Variants in CMSS1 observed in about 807,000 individuals in gnomAD.
CMSS1 encodes the protein protein CMSS1.
In CMSS1, 33 loss-of-function variants were observed where a neutral mutation model predicts 43.5. That is an observed-to-expected ratio of 0.76 (90% confidence interval 0.57 to 1.01). The LOEUF (loss-of-function observed/expected upper bound fraction) is 1.01, where lower values mean the gene tolerates loss of function less well. CMSS1 is among the 50% of genes least tolerant of loss of function. CMSS1 has a pLI of 0.00. For missense variants in CMSS1, 313 were observed against 326.4 expected (o/e 0.96, Z 0.32); for synonymous variants, 115 against 117.2 (o/e 0.98, Z 0.12).
intron 1 of CMSS1, among the ~76,000 whole-genome samples, chr3:100,027,060 C>A (rs1204128206): frequency 1.3e-5 from 2 of 152,120 alleles, no homozygotes; most frequent in African/African-American, 4.8e-5. Flanking sequence ...CCCATTCATC[C>A]CCTGCATCCC....
intron 1 of CMSS1, among the ~76,000 whole-genome samples, chr3:99,861,761 G>T (rs540128583): frequency 5.9e-5 from 9 of 152,318 alleles, no homozygotes; most frequent in Non-Finnish European, 1.2e-4. Flanking sequence ...ATAGGAACGA[G>T]ACAGTGGAAA....
rs146361868 is a variant in CMSS1 at position 100,144,593 on chromosome 3, A to C, written c.65-2380A>C. On this transcript the variant is annotated intron_variant, in intron 1 of 9. Transcript: ENST00000421999. ...ATGGGGTGCCTCATTACACCCTGTC[A>C]AGGGTGGAAGTCTAGGCTCCCCATT... Among the ~76,000 whole-genome samples the C allele has an allele frequency of 4.9e-3, 742 of 152,264 alleles. 2 individuals carry two copies. Among genetic ancestry groups the C allele is most frequent in the Non-Finnish European group, 6.7e-3 (458 of 68,002 alleles).
chr3:100,050,662 C>T (rs2065355876), intron 1 of CMSS1, among the ~76,000 whole-genome samples: 1 of 152,168 alleles, frequency 6.6e-6, no homozygotes, highest in South Asian at 2.1e-4. Flanking sequence ...CTCCAAGTAG[C>T]TGGGATTACA....
chr3:99,871,957 G>C (rs1228776047), intron 1 of CMSS1, among the ~76,000 whole-genome samples: 4 of 151,424 alleles, frequency 2.6e-5, no homozygotes, highest in Non-Finnish European at 5.9e-5. Context: ...CTTTTTTATT[G>C]CTTATACTTA....
Position 99,848,018 on chromosome 3 carries a change from AATAC to A in CMSS1, c.64+29979_64+29982del. On this transcript the variant is annotated intron_variant, in intron 1 of 9. Coordinates refer to ENST00000421999, the MANE Select transcript of CMSS1 (RefSeq NM_032359.4). ...AATTAAAGTGAGTTATGGAAAATGAAATACATAAAGATGTATTTATACAAGTGCA... is the reference window on the plus strand; with the variant it reads ...AATTAAAGTGAGTTATGGAAAATGAAATAAAGATGTATTTATACAAGTGCA... 6 of 1,138,300 alleles carry A rather than the reference AATAC, an allele frequency of 5.3e-6. No individual in the cohort carries two copies. The South Asian group carries it at 2.3e-4, about 44-fold the overall frequency. 70.5% of individuals were successfully genotyped at this position (1,138,300 alleles called of 1,614,324 possible).
At chr3:99,954,152 T>C (rs1264580536) in intron 1 of CMSS1, among the ~76,000 whole-genome samples, 2 of 152,218 alleles carry the variant, frequency 1.3e-5, no homozygotes, top group African/African-American at 2.4e-5. Flanking sequence ...GGTACAAATA[T>C]TGGTCTTCAT....
At chr3:100,164,342 C>T (rs1056337859) in intron 4 of CMSS1, among the ~76,000 whole-genome samples, 13 of 152,310 alleles carry the variant, frequency 8.5e-5, no homozygotes, top group Non-Finnish European at 1.6e-4. Context: ...AGTGGGACCA[C>T]TGCTGTTCTG....
intron 1 of CMSS1, among the ~76,000 whole-genome samples, chr3:99,860,414 G>A (rs1422802578): frequency 1.3e-5 from 2 of 152,140 alleles, no homozygotes; most frequent in African/African-American, 4.8e-5. Flanking sequence ...CTAAAAAGCG[G>A]TACTGAAATC....
At position 100,020,675 on chromosome 3, in the gene CMSS1, G is replaced by A. The variant is rs370403075; in HGVS notation, c.65-126298G>A. On this transcript the variant is annotated intron_variant, in intron 1 of 9. Transcript: ENST00000421999. The stretch of plus-strand genomic sequence containing the variant: ...TTCTTAAAAAGTGTTTATTTTTAGT[G>A]ATTTCATTTAAAAATTGCAAAGCGA... 3.8e-4 allele frequency among the ~76,000 whole-genome samples: 56 copies of A among 148,992 alleles called. No individual in the cohort carries two copies. The East Asian group carries it at 5.0e-3, about 13-fold the overall frequency.
intron 1 of CMSS1, among the ~76,000 whole-genome samples, chr3:99,966,775 A>G (rs529969308): frequency 2.6e-5 from 4 of 152,344 alleles, no homozygotes; most frequent in African/African-American, 9.6e-5. Flanking sequence ...GTAAAGTTAT[A>G]TGGGCCACGT....
rs924650538 is a variant in CMSS1, at chr3:99,869,043, T to C, written c.64+51000T>C. 3.9e-5 allele frequency among the ~76,000 whole-genome samples: 6 copies of C among 152,212 alleles called. No individual in the cohort carries two copies. In the South Asian group the frequency reaches 1.2e-3, roughly 32 times the overall value. On this transcript the variant is annotated intron_variant, in intron 1 of 9. Transcript: ENST00000421999. ...TAGAGAGGTAAAAAGAACCACTTCC[T>C]AGGGGAGTATAACCATCCCTTAGGC...
intron 1 of CMSS1, among the ~76,000 whole-genome samples, chr3:99,994,854 A>T (rs889808760): frequency 6.6e-6 from 1 of 152,184 alleles, no homozygotes; most frequent in Non-Finnish European, 1.5e-5. Flanking sequence ...TACCACGAGA[A>T]CAGTATGGGA....
chr3:100,039,529 A>G (rs1017881722), intron 1 of CMSS1, among the ~76,000 whole-genome samples: 3 of 152,164 alleles, frequency 2.0e-5, no homozygotes, highest in African/African-American at 4.8e-5. Flanking sequence ...TCAGTCTTAT[A>G]ATATGCGGGA....
At chr3:99,996,016 A>AT (rs1709668620) in intron 1 of CMSS1, among the ~76,000 whole-genome samples, 1 of 152,138 alleles carries the variant, frequency 6.6e-6, no homozygotes, top group Non-Finnish European at 1.5e-5. Context: ...ACTTATGTAA[A>AT]TTTCTGCAGC....
chr3:100,153,411 G>A (rs1180235407), intron 2 of CMSS1, among the ~76,000 whole-genome samples: 1 of 152,188 alleles, frequency 6.6e-6, no homozygotes, highest in Non-Finnish European at 1.5e-5. Flanking sequence ...CATTAAGTCT[G>A]CTAGGGCTGC....
At chr3:99,956,896 A>G (rs1708336059) in intron 1 of CMSS1, among the ~76,000 whole-genome samples, 1 of 152,118 alleles carries the variant, frequency 6.6e-6, no homozygotes, top group Non-Finnish European at 1.5e-5. Flanking sequence ...CCCGACTTAC[A>G]GTCCAGCTTC....
chr3:100,115,581 C>A (rs867766803), intron 1 of CMSS1, among the ~76,000 whole-genome samples: 1 of 25,732 alleles, frequency 3.9e-5, no homozygotes, highest in Non-Finnish European at 7.8e-5. Context: ...CTCTGTCTCT[C>A]TCTCTCTCTC....
At position 100,034,568 on chromosome 3, in the gene CMSS1, A is replaced by C. The variant is rs1390674979; in HGVS notation, c.65-112405A>C. ...TATTTGGGGCCTCAAATCCCATCTG[A>C]ATTGGCTGCTTTTGGTCATTTAAAC... On this transcript the variant is annotated intron_variant, in intron 1 of 9. Coordinates refer to ENST00000421999, the MANE Select transcript of CMSS1 (RefSeq NM_032359.4). Among the ~76,000 whole-genome samples, 6 of 152,316 alleles carry C rather than the reference A, an allele frequency of 3.9e-5. No homozygotes were observed. The East Asian group carries it at 1.2e-3, about 29-fold the overall frequency.
intron 1 of CMSS1, among the ~76,000 whole-genome samples, chr3:100,055,605 T>C (rs892619728): frequency 1.2e-4 from 18 of 152,246 alleles, no homozygotes; most frequent in African/African-American, 4.3e-4. Context: ...TACCCATTGC[T>C]ATACCACCTA....
Sources: gnomAD v4.1 joint callset for allele counts (sites outside exome capture counted in the v4.1 genomes callset) on GRCh38, gnomAD v4.1.1 for gene constraint, MANE v1.5 for transcripts, NCBI Gene and HGNC (gene_info 2026-07-23, HGNC 2026-07-21) for gene names.